The following RAB8B variants were observed in gnomAD, a reference collection of about 807,000 sequenced individuals.
RAB8B encodes ras-related protein Rab-8B.
In RAB8B, 11 loss-of-function variants were observed where a neutral mutation model predicts 32.0. That is an observed-to-expected ratio of 0.34 (90% CI 0.22 to 0.57). The LOEUF (loss-of-function observed/expected upper bound fraction) is 0.57. RAB8B is among the 20% of genes least tolerant of loss of function. RAB8B has a pLI of 0.86. For missense variants in RAB8B, 190 were observed against 258.5 expected (o/e 0.73, Z 1.82); for synonymous variants, 103 against 89.6 (o/e 1.15, Z -0.85).
intron 2 of RAB8B, among the ~76,000 whole-genome samples, chr15:63,246,230 C>T (rs931132627): frequency 5.9e-5 from 9 of 152,134 alleles, no homozygotes; most frequent in Non-Finnish European, 1.2e-4. Context: ...TGACCCGTCA[C>T]GTGAGCTCAG....
At chr15:63,219,756 CT>C in intron 1 of RAB8B, among the ~76,000 whole-genome samples, 1 of 152,136 alleles carries the variant, frequency 6.6e-6, no homozygotes, top group East Asian at 1.9e-4. Context: ...AGACAGATCC[CT>C]TTTTTTCCAT....
chr15:63,258,553 A>T (rs1015558462), intron 5 of RAB8B, among the ~76,000 whole-genome samples: 2 of 152,212 alleles, frequency 1.3e-5, no homozygotes, highest in African/African-American at 4.8e-5. Flanking sequence ...AATTGGACAA[A>T]ATGCACACAC....
At chr15:63,208,518 C>T (rs2037718348) in intron 1 of RAB8B, among the ~76,000 whole-genome samples, 1 of 152,066 alleles carries the variant, frequency 6.6e-6, no homozygotes. Flanking sequence ...ATGGAATGCA[C>T]AATGCTTGGC....
At position 63,253,648 on chromosome 15, in the gene RAB8B, C is replaced by G. The variant is rs183783141; in HGVS notation, c.247-1859C>G. Among the ~76,000 whole-genome samples the G allele has an allele frequency of 2.4e-3, 364 of 151,136 alleles. 2 individuals carry two copies. The highest frequency in any genetic ancestry group is 3.7e-3 in the Non-Finnish European group (251 of 67,874). On this transcript the variant is annotated intron_variant, in intron 3 of 7. Coordinates refer to ENST00000321437, the MANE Select transcript of RAB8B (RefSeq NM_016530.3). ...TCTGGGCAACATAGCGAGACCTCATCTCTAAAAAAAAGAAAGAAAGAAAGA... is the reference window on the plus strand; with the variant it reads ...TCTGGGCAACATAGCGAGACCTCATGTCTAAAAAAAAGAAAGAAAGAAAGA...
At chr15:63,255,767 A>G (rs979794730) in intron 4 of RAB8B, among the ~76,000 whole-genome samples, 183 bp downstream of exon 4, 2 of 152,216 alleles carry the variant, frequency 1.3e-5, no homozygotes, top group African/African-American at 2.4e-5. Flanking sequence ...GGTTAGGGGG[A>G]CAGAGAAGTA....
chr15:63,267,517 CT>C lies in RAB8B; in HGVS notation c.*3899del, dbSNP rs2038258422. ...AAACTGTTTGATGAAAATCATGCCC[CT>C]AATGGAAACTCTCTAGTTTTTCCAT... On this transcript the variant is annotated 3_prime_UTR_variant, in exon 8 of 8. Transcript: ENST00000321437. 6.6e-6 allele frequency: 1 copy of C among 152,140 alleles called. No homozygotes were observed. Among genetic ancestry groups the C allele is most frequent in the Non-Finnish European group, 1.5e-5 (1 of 68,022 alleles). The allele number at this position is 152,140 out of a possible 1,614,324, so 9.4% of individuals were successfully genotyped here. A position where few individuals can be genotyped will look rare whatever the true frequency, so the allele number is the denominator to read the frequency against.
intron 3 of RAB8B, chr15:63,251,446 T>C (rs936193914): frequency 5.2e-6 from 2 of 384,544 alleles, no homozygotes; most frequent in African/African-American, 4.2e-5. Flanking sequence ...TCATTTTCAC[T>C]GGAGGGTGGG....
chr15:63,233,198 C>G (rs1335963066), intron 1 of RAB8B, among the ~76,000 whole-genome samples: 1 of 151,432 alleles, frequency 6.6e-6, no homozygotes, highest in African/African-American at 2.4e-5. Flanking sequence ...TAGCTAGGAC[C>G]ACAGGCACGT....
chr15:63,265,589 G>A lies in RAB8B; in HGVS notation c.*1970G>A, dbSNP rs1032974284. On this transcript the variant is annotated 3_prime_UTR_variant, in exon 8 of 8. Coordinates refer to ENST00000321437, the MANE Select transcript of RAB8B (RefSeq NM_016530.3). The surrounding 1 kb of genome is among the most constrained non-coding windows in gnomAD (Gnocchi z 4.9). ...TTAACGCTTTCTGGATGGTAACAAA[G>A]TACCTTCTAAAAGATAAGTGCTATG... 6.6e-6 allele frequency: 1 copy of A among 152,494 alleles called. No individual in the cohort carries two copies. Among genetic ancestry groups the A allele is most frequent in the Admixed American group, 6.5e-5 (1 of 15,270 alleles). The allele number at this position is 152,494 out of a possible 1,614,324, so 9.4% of individuals were successfully genotyped here.
chr15:63,254,950 G>C (rs2038147683), intron 3 of RAB8B, among the ~76,000 whole-genome samples: 1 of 152,094 alleles, frequency 6.6e-6, no homozygotes. Flanking sequence ...TTAAAAATAT[G>C]ATGAGAATGC....
intron 1 of RAB8B, among the ~76,000 whole-genome samples, chr15:63,227,197 A>G (rs935563715): frequency 6.6e-6 from 1 of 152,096 alleles, no homozygotes; most frequent in Non-Finnish European, 1.5e-5. Context: ...TTTCAGCCTT[A>G]TTTTACCCAG....
chr15:63,255,942 C>T (rs1338199965), intron 4 of RAB8B, among the ~76,000 whole-genome samples: 1 of 152,226 alleles, frequency 6.6e-6, no homozygotes, highest in Non-Finnish European at 1.5e-5. Flanking sequence ...GCTTCTATCC[C>T]ACCATGCTGT....
intron 1 of RAB8B, among the ~76,000 whole-genome samples, chr15:63,220,778 CAGGA>C (rs907807930): frequency 6.6e-6 from 1 of 152,084 alleles, no homozygotes; most frequent in African/African-American, 2.4e-5. Context: ...GCTTGGCAAA[CAGGA>C]GGGAGGTTCC....
intron 3 of RAB8B, among the ~76,000 whole-genome samples, chr15:63,254,564 T>C (rs1474459089): frequency 6.6e-6 from 1 of 152,004 alleles, no homozygotes; most frequent in Non-Finnish European, 1.5e-5. Flanking sequence ...GGATATAGAT[T>C]TTGCAGTAGC....
At chr15:63,260,924 T>C (rs2038198633) in intron 6 of RAB8B, among the ~76,000 whole-genome samples, 2 of 152,304 alleles carry the variant, frequency 1.3e-5, no homozygotes, top group South Asian at 4.1e-4. Flanking sequence ...TGGACACTGA[T>C]CAGAACTTTT....
At chr15:63,257,931 C>T (rs1024777670) in intron 5 of RAB8B, among the ~76,000 whole-genome samples, 1 of 151,238 alleles carries the variant, frequency 6.6e-6, no homozygotes, top group African/African-American at 2.4e-5. Context: ...TGGTGGCGTG[C>T]GTGCGTCTGT....
chr15:63,257,904 C>T (rs1346493217), intron 5 of RAB8B, among the ~76,000 whole-genome samples: 1 of 150,958 alleles, frequency 6.6e-6, no homozygotes, highest in African/African-American at 2.4e-5. Context: ...ACTAAAAATA[C>T]AAAAATTAGC....
rs536373321 is a variant in RAB8B at position 63,232,589 on chromosome 15, G to T, written c.125-12167G>T. On this transcript the variant is annotated intron_variant, in intron 1 of 7. Coordinates refer to ENST00000321437, the MANE Select transcript of RAB8B (RefSeq NM_016530.3). ...CTTTTTTAGCAGGAAGTGGTAATGT[G>T]TGTCACTGTTGACATATATAAATGC... Among the ~76,000 whole-genome samples the T allele has an allele frequency of 2.5e-3, 378 of 152,276 alleles. 1 individual carries two copies. The highest frequency in any genetic ancestry group is 4.3e-3 in the Non-Finnish European group (293 of 68,014).
Position 63,234,252 on chromosome 15 carries a change from C to T in RAB8B, c.125-10504C>T, listed in dbSNP as rs552408159. On this transcript the variant is annotated intron_variant, in intron 1 of 7. Coordinates refer to ENST00000321437, the MANE Select transcript of RAB8B (RefSeq NM_016530.3). ...CTAGTTGGCCCTAGAGAGAGAGTTCCGAAGGCCAAGAAAACTACTCTTTCC... is the reference window on the plus strand; with the variant it reads ...CTAGTTGGCCCTAGAGAGAGAGTTCTGAAGGCCAAGAAAACTACTCTTTCC... 5.3e-5 allele frequency among the ~76,000 whole-genome samples: 8 copies of T among 152,072 alleles called. No individual in the cohort carries two copies. The East Asian group carries it at 5.8e-4, about 11-fold the overall frequency.
Sources: allele counts gnomAD v4.1 joint callset (sites outside exome capture counted in the v4.1 genomes callset), GRCh38; gene constraint gnomAD v4.1.1; non-coding constraint Gnocchi (gnomAD v3.1); transcripts MANE v1.5; gene names NCBI Gene and HGNC (gene_info 2026-07-23, HGNC 2026-07-21).